Variants in GNB1L observed in about 807,000 individuals in gnomAD.
GNB1L encodes guanine nucleotide-binding protein subunit beta-like protein 1.
A neutral mutation model predicts 29.1 loss-of-function variants in GNB1L; 20 were observed. The ratio of observed to expected loss-of-function variants is 0.69; its 90% confidence interval spans 0.48 to 1.00. GNB1L has a LOEUF of 1.00. Among genes scored for constraint, GNB1L ranks in the 50% least tolerant of loss-of-function variants. GNB1L has a pLI of 0.00. For missense variants in GNB1L, 421 were observed against 464.9 expected, an observed-to-expected ratio of 0.91 and a Z score of 0.87; for synonymous variants, 193 against 206.5, an observed-to-expected ratio of 0.93 and a Z score of 0.56.
intron 5 of GNB1L, among the ~76,000 whole-genome samples, chr22:19,810,467 G>A (rs1307424117): frequency 1.3e-5 from 2 of 152,118 alleles, no homozygotes; most frequent in Non-Finnish European, 2.9e-5. Flanking sequence ...CGGGGGTGGC[G>A]GCGCCTTGAA....
intron 2 of GNB1L, among the ~76,000 whole-genome samples, chr22:19,824,363 G>A (rs917258996): frequency 6.6e-6 from 1 of 152,202 alleles, no homozygotes; most frequent in Non-Finnish European, 1.5e-5. Flanking sequence ...GCCCGTGTGC[G>A]CCCAGCTGTC....
intron 2 of GNB1L, among the ~76,000 whole-genome samples, chr22:19,823,940 G>A (rs1198878306): frequency 3.3e-5 from 5 of 152,202 alleles, no homozygotes; most frequent in African/African-American, 7.2e-5. Context: ...ACAGCACGGC[G>A]GCCTTGGGCG....
chr22:19,818,939 C>A (rs1399962209), intron 4 of GNB1L, among the ~76,000 whole-genome samples: 1 of 152,186 alleles, frequency 6.6e-6, no homozygotes. Context: ...CATGCCCTGT[C>A]CCTCCCACTC....
intron 5 of GNB1L, among the ~76,000 whole-genome samples, chr22:19,809,051 C>CT (rs149282517): frequency 3.0e-4 from 45 of 152,196 alleles, no homozygotes; most frequent in Admixed American, 9.8e-4. Flanking sequence ...ACCCCCGGGC[C>CT]TGTCCCTATA....
At chr22:19,812,258 T>C (rs1239201241) in intron 5 of GNB1L, 27 bp downstream of exon 5, 3 of 1,606,730 alleles carry the variant, frequency 1.9e-6, no homozygotes, top group South Asian at 2.2e-5. Context: ...TTGGAGAACA[T>C]GGGGCCTCAG....
chr22:19,832,393 C>T (rs889375138), intron 2 of GNB1L, among the ~76,000 whole-genome samples: 2 of 152,104 alleles, frequency 1.3e-5, no homozygotes, highest in African/African-American at 4.8e-5. Context: ...AGCAGCCAGC[C>T]GGGTTTTGGA....
chr22:19,834,074 C>G (rs1296433229), intron 2 of GNB1L, among the ~76,000 whole-genome samples: 1 of 151,342 alleles, frequency 6.6e-6, no homozygotes, highest in African/African-American at 2.4e-5. Flanking sequence ...AGATTTGGAC[C>G]CAAAAATTAA....
rs1336968997 is a variant in GNB1L at position 19,788,632 on chromosome 22, G to A, written c.*77C>T. ...CTTGCTGGTCCTCAGAGGCCCTTGA[G>A]GTTTCAGGCCAAGGCTGGGGCCTGA... On this transcript the variant is annotated 3_prime_UTR_variant, in exon 8 of 8. Coordinates refer to ENST00000329517, the MANE Select transcript of GNB1L (RefSeq NM_053004.3). 1.9e-6 allele frequency: 3 copies of A among 1,570,638 alleles called. No individual in the cohort carries two copies. Among genetic ancestry groups the A allele is most frequent in the Non-Finnish European group, 2.6e-6 (3 of 1,143,564 alleles).
rs542720425 is a variant in GNB1L at position 19,844,217 on chromosome 22, G to T, written c.-21+10226C>A. 2.0e-5 allele frequency among the ~76,000 whole-genome samples: 3 copies of T among 152,340 alleles called. No homozygotes were observed. The South Asian group carries it at 6.2e-4, about 32-fold the overall frequency. ...TCCCAGAGATCAGTCACTTTTGCTG[G>T]GGACACGCCCAAATGGCGTGATTCG... On this transcript the variant is annotated intron_variant, in intron 2 of 7. Coordinates refer to ENST00000329517, the MANE Select transcript of GNB1L (RefSeq NM_053004.3).
In GNB1L at chr22:19,802,151, G is replaced by A. The variant is rs753000516; in HGVS notation, c.582C>T (p.Asp194=). The change falls in exon 7 of 8, where the codon GAC becomes GAT. Residue 194 remains aspartate (D), a synonymous_variant. Transcript: ENST00000329517. ...GYEDGSVVLW[D]VSEQKVCSRI... is the part of the protein sequence containing the mutation. Reference sequence around the variant, plus strand: ...GGCTGCACACCTTCTGCTCAGAGACGTCCCACAGGACCACCGATCCATCCT... The same window carrying A: ...GGCTGCACACCTTCTGCTCAGAGACATCCCACAGGACCACCGATCCATCCT... The A allele has an allele frequency of 1.7e-5, 28 of 1,613,056 alleles. No individual in the cohort carries two copies. Among genetic ancestry groups the A allele is most frequent in the East Asian group, 2.2e-5 (1 of 44,874 alleles).
At chr22:19,803,536 AGGAGT>A (rs1419153558) in intron 6 of GNB1L, among the ~76,000 whole-genome samples, 1 of 152,138 alleles carries the variant, frequency 6.6e-6, no homozygotes, top group Non-Finnish European at 1.5e-5. Flanking sequence ...TATCCCTGGG[AGGAGT>A]TCCATGTTGG....
chr22:19,798,649 C>T (rs1569039402), intron 7 of GNB1L, among the ~76,000 whole-genome samples: 1 of 151,976 alleles, frequency 6.6e-6, no homozygotes, highest in Non-Finnish European at 1.5e-5. Flanking sequence ...TGTGCCTACC[C>T]ACCAGCCAGG....
intron 7 of GNB1L, among the ~76,000 whole-genome samples, chr22:19,801,479 T>C (rs1453188157): frequency 6.6e-6 from 1 of 152,098 alleles, no homozygotes; most frequent in Non-Finnish European, 1.5e-5. Flanking sequence ...CCTCGAGCCA[T>C]GCCAGCTAGG....
intron 2 of GNB1L, chr22:19,846,663 A>G: frequency 1.5e-6 from 1 of 686,414 alleles, no homozygotes; most frequent in Non-Finnish European, 1.8e-6. Flanking sequence ...TAAAGAGGTA[A>G]TTCAGGGTTA....
Position 19,820,582 on chromosome 22 carries a change from C to A in GNB1L, c.254+16G>T, listed in dbSNP as rs1486507147. ...CCCCGAAGGCCATACCTGGCTCCTG[C>A]ACCTTGGAGACCCACCTGAGGAGCT... On this transcript the variant is annotated intron_variant, in intron 4 of 7. Transcript: ENST00000329517. 1 of 1,608,418 alleles carries A rather than the reference C, an allele frequency of 6.2e-7. No individual in the cohort carries two copies. Among genetic ancestry groups the A allele is most frequent in the South Asian group, 1.1e-5 (1 of 90,734 alleles).
intron 7 of GNB1L, among the ~76,000 whole-genome samples, chr22:19,795,571 CAG>C (rs1937297161): frequency 6.6e-6 from 1 of 152,124 alleles, no homozygotes; most frequent in African/African-American, 2.4e-5. Flanking sequence ...TCACTGACAA[CAG>C]AATTAAGCTA....
Position 19,821,313 on chromosome 22 carries a change from C to A in GNB1L, c.43G>T (p.Val15Phe). Residue 15 changes from valine to phenylalanine, a missense_variant, in exon 3 of 8, where the codon GTC becomes TTC. Transcript: ENST00000329517. ...ACCGGTGACTGGGTGCCTCGGAGGA[C>A]AAACTGGGGGTCTGGAGGTGGCGGC... ...CPPPPPDPQF[V>F]LRGTQSPVHA... The A allele has an allele frequency of 6.2e-7, 1 of 1,613,324 alleles. No individual in the cohort carries two copies. Among genetic ancestry groups the A allele is most frequent in the Non-Finnish European group, 8.5e-7 (1 of 1,179,790 alleles).
intron 4 of GNB1L, 39 bp downstream of exon 4, chr22:19,820,559 C>A (rs1357697222): frequency 8.8e-6 from 14 of 1,591,944 alleles, no homozygotes; most frequent in Non-Finnish European, 4.3e-6. Context: ...CCTGACTCCC[C>A]CGAAGGCCAT....
At chr22:19,803,658 C>G (rs940206700) in intron 6 of GNB1L, among the ~76,000 whole-genome samples, 2 of 152,208 alleles carry the variant, frequency 1.3e-5, no homozygotes, top group Non-Finnish European at 2.9e-5. Context: ...TGCAGGCAGC[C>G]CTGGCTCCCT....
Sources: gnomAD v4.1 joint callset for allele counts (sites outside exome capture counted in the v4.1 genomes callset) on GRCh38, gnomAD v4.1.1 for gene constraint, MANE v1.5 for transcripts, NCBI Gene and HGNC (gene_info 2026-07-23, HGNC 2026-07-21) for gene names.